CFAP47: variants seen among roughly 807,000 people sequenced by gnomAD.
CFAP47 encodes cilia and flagella associated protein 47.
In CFAP47, 29 loss-of-function variants were observed where a neutral mutation model predicts 148.1. The observed-to-expected ratio is 0.20, with a 90% CI of 0.15 to 0.27. The LOEUF (loss-of-function observed/expected upper bound fraction) is 0.27, where lower values mean the gene tolerates loss of function less well. Ranked by LOEUF, CFAP47 falls within the 10% of genes least tolerant of loss-of-function variation. The pLI is 1.00. For synonymous variants in CFAP47, 664 were observed against 577.3 expected (o/e 1.15, Z -2.15); for missense variants, 1,872 against 1,697.5 (o/e 1.10, Z -1.81).
intron 53 of CFAP47, among the ~76,000 whole-genome samples, chrX:36,303,174 ACTT>A (rs782536867): frequency 1.4e-4 from 15 of 110,482 alleles, no homozygotes; most frequent in Middle Eastern, 4.2e-3. Context: ...TTTAGCTTCT[ACTT>A]CTTCTTCTTC....
chrX:36,030,217 C>T (rs1937265081), intron 22 of CFAP47, among the ~76,000 whole-genome samples: 1 of 110,773 alleles, frequency 9.0e-6, no homozygotes, highest in Non-Finnish European at 1.9e-5. Flanking sequence ...GATCTTTAAT[C>T]TTAGGTGGTT....
intron 26 of CFAP47, among the ~76,000 whole-genome samples, chrX:36,063,451 A>T (rs1396742947): frequency 9.0e-6 from 1 of 111,473 alleles, no homozygotes. Flanking sequence ...TATATGCTCT[A>T]TGAAAAGAAT....
At chrX:36,232,259 G>A (rs1940374337) in intron 46 of CFAP47, among the ~76,000 whole-genome samples, 1 of 111,474 alleles carries the variant, frequency 9.0e-6, no homozygotes, top group Non-Finnish European at 1.9e-5. Flanking sequence ...CTTTTTGGTT[G>A]GTAAGCTATT....
chrX:36,143,338 G>C (rs1265946184), intron 35 of CFAP47, among the ~76,000 whole-genome samples: 1 of 111,778 alleles, frequency 8.9e-6, no homozygotes, highest in African/African-American at 3.2e-5. Context: ...GATCACCAGT[G>C]GGGTTGTCAT....
At chrX:36,305,440 T>C (rs1941339563) in intron 54 of CFAP47, among the ~76,000 whole-genome samples, 1 of 111,707 alleles carries the variant, frequency 9.0e-6, no homozygotes, top group Admixed American at 9.6e-5. Flanking sequence ...CATCCAAAGT[T>C]ACATTACATA....
At chrX:36,005,901 G>A (rs912946074) in intron 21 of CFAP47, among the ~76,000 whole-genome samples, 26 of 110,042 alleles carry the variant, frequency 2.4e-4, no homozygotes, top group Admixed American at 2.9e-4. Flanking sequence ...GAAGTATGCA[G>A]ACATACACAC....
In CFAP47 at chrX:36,314,398, T is replaced by G. The variant is rs782725327; in HGVS notation, c.8344+3409T>G. 1.1e-4 allele frequency among the ~76,000 whole-genome samples: 12 copies of G among 111,072 alleles called. No homozygotes were observed. In the South Asian group the frequency reaches 4.2e-3, roughly 39 times the overall value. Reference sequence around the variant, plus strand: ...CAGCATAGCCACGTGGTGTAAGATTTATGGACAGCAAAAGGAAAGTGACAT... The same window carrying G: ...CAGCATAGCCACGTGGTGTAAGATTGATGGACAGCAAAAGGAAAGTGACAT... On this transcript the variant is annotated intron_variant, in intron 56 of 63. Transcript: ENST00000378653.
At chrX:36,370,264 C>T (rs1941918512) in intron 62 of CFAP47, among the ~76,000 whole-genome samples, 1 of 95,526 alleles carries the variant, frequency 1.0e-5, no homozygotes, top group Admixed American at 1.2e-4. Context: ...CCCCACCCCC[C>T]AGCAGGCCCC....
intron 21 of CFAP47, among the ~76,000 whole-genome samples, chrX:36,004,541 TG>T (rs889250580): frequency 9.0e-6 from 1 of 110,871 alleles, no homozygotes; most frequent in Non-Finnish European, 1.9e-5. Flanking sequence ...GAACACAATG[TG>T]GTATATCCAT....
intron 30 of CFAP47, among the ~76,000 whole-genome samples, chrX:36,097,187 T>A (rs1938294044): frequency 8.9e-6 from 1 of 112,020 alleles, no homozygotes; most frequent in Admixed American, 9.5e-5. Flanking sequence ...TGTTTCTATT[T>A]ATATCATATT....
In CFAP47 at chrX:36,379,055, A is replaced by C. The variant is rs188068820; in HGVS notation, c.9186-295A>C. On this transcript the variant is annotated intron_variant, in intron 62 of 63. Transcript: ENST00000378653. ...TCCAACTCCTGACCTCAGGTGATCC[A>C]CCTGCCTCGGCCTCCCAAAGTGCTG... Among the ~76,000 whole-genome samples, 751 of 111,213 alleles carry C rather than the reference A, an allele frequency of 6.8e-3. 3 individuals are homozygous for C. The highest frequency in any genetic ancestry group is 0.023 in the African/African-American group (709 of 30,568).
chrX:35,987,024 C>G (rs900303361), intron 15 of CFAP47, among the ~76,000 whole-genome samples: 2 of 111,416 alleles, frequency 1.8e-5, no homozygotes, highest in African/African-American at 6.5e-5. Context: ...TAAGCCCTCC[C>G]GCATGAGGTG....
chrX:36,310,950 C>A lies in CFAP47; in HGVS notation c.8305C>A (p.Pro2769Thr). ...AACTATTGTTATACCTTTCAAAAAT[C>A]CCACAATGGAAGATGTCCTCATTGA... ...QSTIVIPFKN[P>T]TMEDVLIDII... is the part of the protein sequence containing the mutation. Residue 2769 changes from proline (P) to threonine (T), a missense_variant, in exon 56 of 64, where the codon CCC becomes ACC. Transcript: ENST00000378653. 1.8e-6 allele frequency: 2 copies of A among 1,137,971 alleles called. No homozygotes were observed. Among genetic ancestry groups the A allele is most frequent in the Non-Finnish European group, 2.3e-6 (2 of 852,889 alleles). 93.8% of individuals were successfully genotyped at this position (1,137,971 alleles called of 1,213,427 possible).
chrX:36,366,888 C>T, intron 61 of CFAP47, 78 bp from the exon 62 acceptor site: 1 of 579,731 alleles, frequency 1.7e-6, no homozygotes, highest in Non-Finnish European at 2.5e-6. Context: ...TACATTTTTA[C>T]CTTAGTTTAG....
intron 42 of CFAP47, among the ~76,000 whole-genome samples, chrX:36,199,509 G>T (rs1444520366): frequency 2.7e-5 from 3 of 111,949 alleles, no homozygotes; most frequent in Non-Finnish European, 5.6e-5. Flanking sequence ...CAAGGTTCAG[G>T]ATGGCTGCAA....
intron 33 of CFAP47, among the ~76,000 whole-genome samples, chrX:36,108,434 C>T (rs981036113): frequency 2.7e-5 from 3 of 111,733 alleles, no homozygotes; most frequent in African/African-American, 9.8e-5. Flanking sequence ...AGGCATCCCT[C>T]CTTCTTACAT....
intron 54 of CFAP47, among the ~76,000 whole-genome samples, chrX:36,305,490 GCTTT>G (rs1941339941): frequency 9.0e-6 from 1 of 111,196 alleles, no homozygotes; most frequent in African/African-American, 3.3e-5. Flanking sequence ...TCCAACCATG[GCTTT>G]CTAGTCCATT....
At position 36,327,284 on chromosome X, in the gene CFAP47, A is replaced by G. The variant is rs781924499; in HGVS notation, c.8443+7977A>G. ...CAAATCAACAAGCCAAAAACAAATA[A>G]TCTCATTAAAAATGGACAAAGGACA... On this transcript the variant is annotated intron_variant, in intron 57 of 63. Transcript: ENST00000378653. Among the ~76,000 whole-genome samples the G allele has an allele frequency of 1.5e-3, 167 of 111,888 alleles. 1 individual carries two copies. The highest frequency in any genetic ancestry group is 5.0e-3 in the African/African-American group (153 of 30,787).
At chrX:36,167,464 ACCAC>A (rs1241185731) in intron 39 of CFAP47, among the ~76,000 whole-genome samples, 2 of 111,332 alleles carry the variant, frequency 1.8e-5, no homozygotes, top group African/African-American at 6.5e-5. Flanking sequence ...GTGTGGAACT[ACCAC>A]CTTACGAACT....
Sources: gnomAD v4.1 joint callset for allele counts (sites outside exome capture counted in the v4.1 genomes callset) on GRCh38, gnomAD v4.1.1 for gene constraint, MANE v1.5 for transcripts, NCBI Gene and HGNC (gene_info 2026-07-23, HGNC 2026-07-21) for gene names.